Variants in MAP2K2 observed in about 807,000 individuals in gnomAD.
The protein encoded by MAP2K2 is mitogen-activated protein kinase kinase 2.
MAP2K2 carries 24 observed loss-of-function variants against 43.7 expected under a neutral mutation model. The observed-to-expected ratio is 0.55, with a 90% confidence interval of 0.40 to 0.77. MAP2K2 has a LOEUF of 0.77. MAP2K2 is among the 30% of genes least tolerant of loss of function. The probability of loss-of-function intolerance (pLI) is 0.00; values close to 1 mark genes in which losing one functional copy is unlikely to be tolerated. For missense variants in MAP2K2, 470 were observed against 566.8 expected (o/e 0.83, Z 1.73); for synonymous variants, 244 against 239.7 (o/e 1.02, Z -0.17).
intron 3 of MAP2K2, chr19:4,102,847 C>A: frequency 8.4e-7 from 1 of 1,188,550 alleles, no homozygotes; most frequent in Non-Finnish European, 1.1e-6. Flanking sequence ...CCACGGGAGG[C>A]GGCCAGGCTG....
At chr19:4,097,237 A>G (rs776265329) in intron 8 of MAP2K2, 42 bp downstream of exon 8, 2 of 1,360,992 alleles carry the variant, frequency 1.5e-6, no homozygotes, top group Non-Finnish European at 2.1e-6. Flanking sequence ...AAGAAAGAAG[A>G]AAGAAAAGGA....
chr19:4,123,591 G>A (rs1400898482), intron 1 of MAP2K2, among the ~76,000 whole-genome samples, 193 bp downstream of exon 1: 166 of 26,880 alleles, frequency 6.2e-3, no homozygotes, highest in Admixed American at 0.045. Context: ...CCCCTGCCCC[G>A]TCCTCCCCCG....
At position 4,090,695 on chromosome 19, in the gene MAP2K2, A is replaced by G. The variant is rs2145036656; in HGVS notation, c.1106T>C (p.Ile369Thr). The G allele has an allele frequency of 3.2e-6, 5 of 1,557,588 alleles. No homozygotes were observed. The highest frequency in any genetic ancestry group is 4.3e-6 in the Non-Finnish European group (5 of 1,150,422). ...DLKMLTNHTFIKRSEVEEVDF... is the reference protein window; with the variant it reads ...DLKMLTNHTFTKRSEVEEVDF... ...CACTTCTTCCACCTCGGACCGCTTG[A>G]TGAAGGTGTGGTTCTGCAAGGAAAG... The change falls in exon 11 of 11, where the codon ATC becomes ACC. Residue 369 changes from isoleucine (I) to threonine (T), a missense_variant. Ile to Thr is a moderately conservative substitution (Grantham distance 89). Coordinates refer to ENST00000262948, the MANE Select transcript of MAP2K2 (RefSeq NM_030662.4).
chr19:4,100,954 G>A lies in MAP2K2; in HGVS notation c.705+65C>T, dbSNP rs1181922710. 4 of 1,541,220 alleles carry A rather than the reference G, an allele frequency of 2.6e-6. No homozygotes were observed. In the East Asian group the frequency reaches 9.8e-5, roughly 38 times the overall value. On this transcript the variant is annotated intron_variant, in intron 6 of 10. Coordinates refer to ENST00000262948, the MANE Select transcript of MAP2K2 (RefSeq NM_030662.4). ...GGGGAGAGCTGGCTGGCAGAGCTGG[G>A]TGGGGAGAGCTTGGGGGAGAGCAGC...
chr19:4,097,227 AAG>A, intron 8 of MAP2K2, 50 bp downstream of exon 8: 4 of 1,231,256 alleles, frequency 3.2e-6, no homozygotes, highest in Non-Finnish European at 4.6e-6. Context: ...AAAAAAAAAA[AAG>A]AAAGAAGAAA....
chr19:4,117,140 C>G (rs1053741169), intron 2 of MAP2K2, among the ~76,000 whole-genome samples: 1 of 152,202 alleles, frequency 6.6e-6, no homozygotes, highest in Non-Finnish European at 1.5e-5. Flanking sequence ...TTCTGAAACC[C>G]CCACGTGCTA....
At chr19:4,099,153 C>T (rs769319082) in intron 7 of MAP2K2, 48 bp downstream of exon 7, 25 of 1,510,942 alleles carry the variant, frequency 1.7e-5, no homozygotes, top group African/African-American at 4.1e-5. Context: ...GCAGGCCCCG[C>T]GCAGGGCACT....
At chr19:4,108,984 C>T (rs1467858453) in intron 3 of MAP2K2, among the ~76,000 whole-genome samples, 4 of 152,202 alleles carry the variant, frequency 2.6e-5, no homozygotes, top group Non-Finnish European at 4.4e-5. Flanking sequence ...AGGTCTCCCT[C>T]GCAGGCGGGA....
chr19:4,121,269 C>CT (rs2041288703), intron 1 of MAP2K2, among the ~76,000 whole-genome samples: 1 of 151,932 alleles, frequency 6.6e-6, no homozygotes, highest in Non-Finnish European at 1.5e-5. Context: ...AGCTTCTGCA[C>CT]TGGGTCAGCC....
Position 4,102,345 on chromosome 19 carries a change from G to A in MAP2K2, c.528+31C>T, listed in dbSNP as rs1392559485. On this transcript the variant is annotated intron_variant, in intron 4 of 10. Transcript: ENST00000262948. Reference sequence around the variant, plus strand: ...GAAGAGGTCCGTGCAGAGTGCGGTGGGGGCGCGATGTGGGTCTGCGGTGGA... The same window carrying A: ...GAAGAGGTCCGTGCAGAGTGCGGTGAGGGCGCGATGTGGGTCTGCGGTGGA... The A allele has an allele frequency of 1.0e-5, 16 of 1,553,574 alleles. 1 individual carries two copies. Among genetic ancestry groups the A allele is most frequent in the South Asian group, 9.4e-5 (8 of 85,504 alleles).
intron 7 of MAP2K2, among the ~76,000 whole-genome samples, chr19:4,097,794 G>A (rs1001076489): frequency 2.0e-5 from 3 of 152,078 alleles, no homozygotes; most frequent in Non-Finnish European, 4.4e-5. Context: ...GCTGACCCCT[G>A]TCTGAGAACC....
intron 3 of MAP2K2, chr19:4,104,692 T>C (rs574806849): frequency 6.6e-6 from 1 of 152,318 alleles, no homozygotes; most frequent in East Asian, 1.9e-4. Context: ...GGGGCCGCAA[T>C]CAATGTTTGT....
chr19:4,117,392 C>T (rs572573687), intron 2 of MAP2K2, 27 bp downstream of exon 2: 69 of 1,606,496 alleles, frequency 4.3e-5, no homozygotes, highest in South Asian at 2.4e-4. Flanking sequence ...CACCACTCCC[C>T]GACCTCCCCG....
Position 4,090,333 on chromosome 19 carries a change from C to A in MAP2K2, c.*265G>T. On this transcript the variant is annotated 3_prime_UTR_variant, in exon 11 of 11. Coordinates refer to ENST00000262948, the MANE Select transcript of MAP2K2 (RefSeq NM_030662.4). ...CAGGATGGCGCGGTTTGCTTTTTCTCTCCCTGTTTTGTTTTGTAACCTAAG... is the reference window on the plus strand; with the variant it reads ...CAGGATGGCGCGGTTTGCTTTTTCTATCCCTGTTTTGTTTTGTAACCTAAG... 1.7e-6 allele frequency: 1 copy of A among 582,518 alleles called. No individual in the cohort carries two copies. The allele number at this position is 582,518 out of a possible 1,614,324, so 36.1% of individuals were successfully genotyped here.
At chr19:4,102,611 G>C in intron 3 of MAP2K2, 158 bp from the exon 4 acceptor site, 3 of 894,348 alleles carry the variant, frequency 3.4e-6, no homozygotes, top group Non-Finnish European at 3.5e-6. Flanking sequence ...GGCGTCTTCT[G>C]ACAGTTCTGC....
intron 1 of MAP2K2, 124 bp from the exon 2 acceptor site, chr19:4,117,753 C>T (rs1218695146): frequency 2.4e-6 from 2 of 850,650 alleles, no homozygotes; most frequent in Non-Finnish European, 3.9e-6. Flanking sequence ...TTGAGGGGTT[C>T]ATGGTGTAGA....
Position 4,117,589 on chromosome 19 carries a change from C to G in MAP2K2, c.133G>C (p.Glu45Gln), listed in dbSNP as rs2145080710. 1 of 1,614,134 alleles carries G rather than the reference C, an allele frequency of 6.2e-7. No homozygotes were observed. Among genetic ancestry groups the G allele is most frequent in the Non-Finnish European group, 8.5e-7 (1 of 1,180,044 alleles). ...VDLQKKLEEL[E>Q]LDEQQKKRLE... is the part of the protein sequence containing the mutation. ...CGCTTCTTCTGCTGCTCGTCAAGTT[C>G]CAGCTCCTCCAGCTTCTTCTGCAGG... The change falls in exon 2 of 11, where the codon GAA becomes CAA. Residue 45 changes from glutamate (E) to glutamine (Q), a missense_variant. By Grantham distance (29) the Glu-to-Gln change is conservative. Transcript: ENST00000262948.
At chr19:4,092,543 T>C (rs1228184124) in intron 10 of MAP2K2, among the ~76,000 whole-genome samples, 1 of 151,826 alleles carries the variant, frequency 6.6e-6, no homozygotes, top group Non-Finnish European at 1.5e-5. Flanking sequence ...GAGCCGAGAT[T>C]GCGCCACTGC....
Position 4,090,578 on chromosome 19 carries a change from C to A in MAP2K2, c.*20G>T. On this transcript the variant is annotated 3_prime_UTR_variant, in exon 11 of 11. Coordinates refer to ENST00000262948, the MANE Select transcript of MAP2K2 (RefSeq NM_030662.4). ...GACGGTGGGCAGGTCACCAGCGGGA[C>A]GCAGGGAGCCCGGCCACTGTCACAC... is the stretch of plus-strand genomic sequence containing the variant. The A allele has an allele frequency of 6.5e-7, 1 of 1,541,490 alleles. No homozygotes were observed. Among genetic ancestry groups the A allele is most frequent in the Admixed American group, 2.0e-5 (1 of 50,994 alleles).
Sources: gnomAD v4.1 joint callset for allele counts (sites outside exome capture counted in the v4.1 genomes callset) on GRCh38, gnomAD v4.1.1 for gene constraint, MANE v1.5 for transcripts, NCBI Gene and HGNC (gene_info 2026-07-23, HGNC 2026-07-21) for gene names.